C12orf42: variants seen among roughly 807,000 people sequenced by gnomAD.
C12orf42 encodes the protein chromosome 12 open reading frame 42.
C12orf42 carries 25 observed loss-of-function variants against 21.6 expected under a neutral mutation model. That is an observed-to-expected ratio of 1.16 (90% CI 0.84 to 1.62). The LOEUF is 1.62. C12orf42 is among the 40% of genes most tolerant of loss of function. C12orf42 has a pLI of 0.00. For missense variants in C12orf42, 483 were observed against 459.3 expected, an observed-to-expected ratio of 1.05 and a Z score of -0.47; for synonymous variants, 174 against 175.0, an observed-to-expected ratio of 0.99 and a Z score of 0.05.
chr12:103,261,403 C>T (rs2034890958), intron 10 of C12orf42, among the ~76,000 whole-genome samples: 7 of 151,126 alleles, frequency 4.6e-5, no homozygotes, highest in Admixed American at 1.3e-4. Flanking sequence ...GATCACCTGA[C>T]CCAGGGAGGT....
intron 2 of C12orf42, among the ~76,000 whole-genome samples, chr12:103,453,116 C>A (rs1952059087): frequency 6.6e-6 from 1 of 151,778 alleles, no homozygotes. Context: ...ATAATCAATT[C>A]TCTCAATGCA....
At chr12:103,273,045 TAGA>T (rs995610453) in intron 5 of C12orf42, among the ~76,000 whole-genome samples, 2 of 152,208 alleles carry the variant, frequency 1.3e-5, no homozygotes, top group African/African-American at 4.8e-5. Flanking sequence ...AGACATGAAG[TAGA>T]AGAACATTTT....
At chr12:103,298,141 A>T (rs2136425290), downstream of C12orf42, among the ~76,000 whole-genome samples, 1 of 151,900 alleles carries the variant, frequency 6.6e-6, no homozygotes, top group South Asian at 2.1e-4. Context: ...AGGGTATTCA[A>T]TTAGGAAAAG....
At chr12:103,485,334 T>C (rs939064790) in intron 1 of C12orf42, among the ~76,000 whole-genome samples, 3 of 152,222 alleles carry the variant, frequency 2.0e-5, no homozygotes, top group African/African-American at 7.2e-5. Context: ...GGTCTATGTA[T>C]CTGTTTTTGT....
At chr12:103,059,554 T>A in the C12orf42 span, among the ~76,000 whole-genome samples, 1 of 152,174 alleles carries the variant, frequency 6.6e-6, no homozygotes, top group African/African-American at 2.4e-5. Flanking sequence ...ATGTCCCTGA[T>A]GAAAATCGGT....
intron 5 of C12orf42, chr12:103,273,675 G>A (rs1400974727): frequency 3.0e-6 from 1 of 331,652 alleles, no homozygotes; most frequent in Non-Finnish European, 6.1e-6. Flanking sequence ...GAATAAGAAG[G>A]TGGTATGGAT....
chr12:103,258,618 A>G (rs2034732689), intron 10 of C12orf42, among the ~76,000 whole-genome samples: 1 of 152,010 alleles, frequency 6.6e-6, no homozygotes, highest in South Asian at 2.1e-4. Flanking sequence ...ACAAACCATT[A>G]GAACTAACGA....
the C12orf42 span, among the ~76,000 whole-genome samples, chr12:103,518,192 T>C: frequency 6.6e-6 from 1 of 152,034 alleles, no homozygotes; most frequent in South Asian, 2.1e-4. Context: ...ATGGTCAGAG[T>C]TCTTGGTTGC....
intron 4 of C12orf42, among the ~76,000 whole-genome samples, chr12:103,322,123 GCGCACACACACA>G (rs2040229342): frequency 5.0e-5 from 6 of 119,128 alleles, no homozygotes; most frequent in African/African-American, 1.6e-4. Context: ...GCGCGCGCGC[GCGCACACACACA>G]CACACACACA....
intron 10 of C12orf42, among the ~76,000 whole-genome samples, chr12:103,244,546 T>A (rs1189125667): frequency 6.6e-6 from 1 of 150,790 alleles, no homozygotes; most frequent in South Asian, 2.1e-4. Context: ...GTGTTCAGCA[T>A]TCTTTGAAAA....
chr12:103,347,478 A>C (rs750020721), intron 4 of C12orf42, among the ~76,000 whole-genome samples: 1 of 152,126 alleles, frequency 6.6e-6, no homozygotes, highest in Non-Finnish European at 1.5e-5. Flanking sequence ...GGTTGGTTCG[A>C]AGTCTTTGCT....
intron 4 of C12orf42, among the ~76,000 whole-genome samples, chr12:103,278,653 G>T (rs1165922718): frequency 6.6e-6 from 1 of 152,246 alleles, no homozygotes; most frequent in Non-Finnish European, 1.5e-5. Flanking sequence ...CAGCAGGCAG[G>T]AGAGATGAAC....
chr12:103,079,709 G>A, the C12orf42 span, among the ~76,000 whole-genome samples: 65 of 152,254 alleles, frequency 4.3e-4, no homozygotes, highest in African/African-American at 1.5e-3. Context: ...AGGAAGCTTT[G>A]CTTATCATAG....
At chr12:103,240,044 T>G (rs1390979259) in intron 10 of C12orf42, among the ~76,000 whole-genome samples, 2 of 152,214 alleles carry the variant, frequency 1.3e-5, no homozygotes, top group East Asian at 3.8e-4. Flanking sequence ...TTATTGGAAT[T>G]CTTCATATTC....
At chr12:103,246,244 T>A (rs1047922153) in intron 10 of C12orf42, among the ~76,000 whole-genome samples, 1 of 152,058 alleles carries the variant, frequency 6.6e-6, no homozygotes, top group African/African-American at 2.4e-5. Flanking sequence ...CTTTAAATAG[T>A]TGAAGCAGAA....
the C12orf42 span, among the ~76,000 whole-genome samples, chr12:103,049,636 G>A: frequency 6.6e-6 from 1 of 152,082 alleles, no homozygotes; most frequent in East Asian, 1.9e-4. Flanking sequence ...CCTCTCAATG[G>A]CCTTTGATAA....
the C12orf42 span, among the ~76,000 whole-genome samples, chr12:103,205,510 G>C: frequency 6.6e-6 from 1 of 152,128 alleles, no homozygotes; most frequent in African/African-American, 2.4e-5. Flanking sequence ...ATTACCTCCT[G>C]CTGGGTCCTT....
chr12:103,158,441 G>A, the C12orf42 span, among the ~76,000 whole-genome samples: 1 of 152,074 alleles, frequency 6.6e-6, no homozygotes, highest in South Asian at 2.1e-4. Context: ...GATTCCTAAG[G>A]AACCCTTAGG....
At chr12:103,431,790 A>G (rs1219636686) in intron 2 of C12orf42, among the ~76,000 whole-genome samples, 1 of 152,194 alleles carries the variant, frequency 6.6e-6, no homozygotes, top group African/African-American at 2.4e-5. Context: ...GTCACACAGC[A>G]CCAAAGTATG....
Sources: allele counts gnomAD v4.1 joint callset (sites outside exome capture counted in the v4.1 genomes callset), GRCh38; gene constraint gnomAD v4.1.1; transcripts MANE v1.5; gene names NCBI Gene and HGNC (gene_info 2026-07-23, HGNC 2026-07-21).